Variants in PLEKHG1 observed in about 807,000 individuals in gnomAD.
The protein encoded by PLEKHG1 is pleckstrin homology domain-containing family G member 1.
PLEKHG1 carries 44 observed loss-of-function variants against 100.8 expected under a neutral mutation model. That is an observed-to-expected ratio of 0.44 (90% CI 0.34 to 0.56). The LOEUF is 0.56. PLEKHG1 is among the 20% of genes least tolerant of loss of function. The pLI, the probability that PLEKHG1 is intolerant of heterozygous loss-of-function variation, is 0.01. For synonymous variants in PLEKHG1, 640 were observed against 662.5 expected, an observed-to-expected ratio of 0.97 and a Z score of 0.52; for missense variants, 1,545 against 1,720.9, an observed-to-expected ratio of 0.90 and a Z score of 1.81.
chr6:150,701,417 TTATATATATA>T (rs56982419), intron 3 of PLEKHG1, among the ~76,000 whole-genome samples: 503 of 31,124 alleles, frequency 0.016, 4 homozygotes, highest in Non-Finnish European at 0.02. Flanking sequence ...CAGTAATTCT[TTATATATATA>T]TATATATATA....
rs756604749 is a variant in PLEKHG1, at chr6:150,768,772, C to T, written c.512+34C>T. The T allele has an allele frequency of 1.2e-4, 145 of 1,214,390 alleles. 1 individual carries two copies. Among genetic ancestry groups the T allele is most frequent in the Middle Eastern group, 3.8e-4 (2 of 5,278 alleles). 75.2% of individuals were successfully genotyped at this position (1,214,390 alleles called of 1,614,324 possible). On this transcript the variant is annotated intron_variant, in intron 3 of 15. Transcript: ENST00000358517. ...ATATTCAAAAGATTGTTCTCACATA[C>T]GAGCATTATGAAAATTTCTCAAATG...
At chr6:150,635,715 C>A (rs1777968479) in intron 1 of PLEKHG1, among the ~76,000 whole-genome samples, 1 of 152,084 alleles carries the variant, frequency 6.6e-6, no homozygotes, top group Non-Finnish European at 1.5e-5. Context: ...TTTCAGGGAG[C>A]ATAAATAAAC....
At position 150,600,784 on chromosome 6, in the gene PLEKHG1, G is replaced by T. The variant is rs1192541675; in HGVS notation, c.-204+767G>T. 1 of 152,262 alleles carries T rather than the reference G, an allele frequency of 6.6e-6. No individual in the cohort carries two copies. Among genetic ancestry groups the T allele is most frequent in the Non-Finnish European group, 1.5e-5 (1 of 68,058 alleles). 9.4% of individuals were successfully genotyped at this position (152,262 alleles called of 1,614,324 possible). A position where few individuals can be genotyped will look rare whatever the true frequency, so the allele number is the denominator to read the frequency against. On this transcript the variant is annotated intron_variant, in intron 1 of 3. Transcript: ENST00000367326. The surrounding 1 kb of genome is among the most constrained non-coding windows in gnomAD (Gnocchi z 6.2). ...GTTCCGAAGCCGGAAGCTTGGGAAC[G>T]CTCTAACTGGGAGAACGGCGCTCGG...
At chr6:150,779,919 C>G (rs1334849658) in intron 3 of PLEKHG1, among the ~76,000 whole-genome samples, 1 of 150,618 alleles carries the variant, frequency 6.6e-6, no homozygotes, top group Non-Finnish European at 1.5e-5. Context: ...GCCGAGATCA[C>G]ACTACTGCAC....
rs7764618 is a variant in PLEKHG1 at position 150,804,593 on chromosome 6, G to T, written c.781-17G>T. The T allele has an allele frequency of 3.8e-5, 59 of 1,538,460 alleles. No homozygotes were observed. In the South Asian group the frequency reaches 6.7e-4, roughly 17 times the overall value. ...TAAAATGAAAAAAAAAAAAACCCTCGTTCTTTTTTGTTTAAGGAAATAGAA... is the reference window on the plus strand; with the variant it reads ...TAAAATGAAAAAAAAAAAAACCCTCTTTCTTTTTTGTTTAAGGAAATAGAA... On this transcript the variant is annotated splice_polypyrimidine_tract_variant and intron_variant, in intron 6 of 15. Coordinates refer to ENST00000358517, the Ensembl canonical transcript of PLEKHG1.
At chr6:150,804,205 G>A (rs55788228) in intron 6 of PLEKHG1, among the ~76,000 whole-genome samples, 5 of 27,206 alleles carry the variant, frequency 1.8e-4, no homozygotes, top group African/African-American at 7.1e-4. Context: ...TTTTTTTTTC[G>A]AGGCAGAGTC....
chr6:150,791,511 A>G (rs1416469283), intron 4 of PLEKHG1, among the ~76,000 whole-genome samples: 1 of 151,974 alleles, frequency 6.6e-6, no homozygotes, highest in Non-Finnish European at 1.5e-5. Context: ...AAAAATAAAA[A>G]TAAAAAAATT....
rs778416927 is a variant in PLEKHG1, at chr6:150,804,754, G to A, written c.912+13G>A. 1 of 1,610,404 alleles carries A rather than the reference G, an allele frequency of 6.2e-7. No homozygotes were observed. The highest frequency in any genetic ancestry group is 1.1e-5 in the South Asian group (1 of 90,134). ...GGTCCGGTTACAGGTGAGCCCGCGA[G>A]GTGTCGGTGCCCGGCAGGGTTGCAG... On this transcript the variant is annotated intron_variant, in intron 7 of 15. Coordinates refer to ENST00000358517, the Ensembl canonical transcript of PLEKHG1.
intron 3 of PLEKHG1, among the ~76,000 whole-genome samples, chr6:150,777,808 C>T (rs989191561): frequency 7.2e-5 from 11 of 152,274 alleles, no homozygotes; most frequent in African/African-American, 2.2e-4. Flanking sequence ...ACATCAGCCA[C>T]ACTGATGCAA....
chr6:150,688,311 CTTTG>C (rs1780215307), intron 3 of PLEKHG1, among the ~76,000 whole-genome samples: 1 of 135,606 alleles, frequency 7.4e-6, no homozygotes, highest in Non-Finnish European at 1.5e-5. Context: ...CATTTTCTTC[CTTTG>C]TTTTTTTTTT....
chr6:150,649,765 A>G (rs1778641267), intron 2 of PLEKHG1, among the ~76,000 whole-genome samples: 1 of 152,100 alleles, frequency 6.6e-6, no homozygotes, highest in African/African-American at 2.4e-5. Flanking sequence ...TAATCCCAGC[A>G]CTTTGGGAGG....
intron 3 of PLEKHG1, among the ~76,000 whole-genome samples, chr6:150,706,099 C>G (rs1312921563): frequency 6.6e-6 from 1 of 152,140 alleles, no homozygotes; most frequent in Admixed American, 6.5e-5. Flanking sequence ...AAAGGTACAA[C>G]AAAACAAGTG....
chr6:150,646,587 T>G (rs1366176496), intron 2 of PLEKHG1, among the ~76,000 whole-genome samples: 1 of 152,154 alleles, frequency 6.6e-6, no homozygotes, highest in Non-Finnish European at 1.5e-5. Flanking sequence ...TGCTGATGTC[T>G]ATGAATGAAA....
At chr6:150,813,889 G>C (rs140018871) in intron 10 of PLEKHG1, among the ~76,000 whole-genome samples, 186 of 152,248 alleles carry the variant, frequency 1.2e-3, no homozygotes, top group African/African-American at 4.3e-3. Flanking sequence ...GTTGGGGCTG[G>C]GAGGAGTGAG....
At chr6:150,758,563 G>T (rs2128633235) in intron 2 of PLEKHG1, among the ~76,000 whole-genome samples, 1 of 152,234 alleles carries the variant, frequency 6.6e-6, no homozygotes, top group East Asian at 1.9e-4. Context: ...TCAAACTCCT[G>T]ACCTCAGGTG....
At chr6:150,637,508 T>C (rs1778055045) in intron 1 of PLEKHG1, among the ~76,000 whole-genome samples, 1 of 152,178 alleles carries the variant, frequency 6.6e-6, no homozygotes, top group Admixed American at 6.6e-5. Flanking sequence ...TGGTAAGCAC[T>C]GTTATTGCAT....
chr6:150,739,322 G>A lies in PLEKHG1; in HGVS notation c.411+5230G>A, dbSNP rs561776510. On this transcript the variant is annotated intron_variant, in intron 2 of 15. Coordinates refer to ENST00000358517, the Ensembl canonical transcript of PLEKHG1. ...ATCTCTTTCCATTATATGCCAGAGA[G>A]CTAATATCCTTTTCATGGACCTTTA... is the stretch of plus-strand genomic sequence containing the variant. 3.3e-5 allele frequency among the ~76,000 whole-genome samples: 5 copies of A among 152,176 alleles called. No homozygotes were observed. The East Asian group carries it at 9.6e-4, about 29-fold the overall frequency.
Position 150,831,753 on chromosome 6 carries a change from G to T in PLEKHG1, c.2642G>T (p.Ser881Ile), listed in dbSNP as rs1289201378. Residue 881 changes from serine to isoleucine, a missense_variant, in exon 15 of 16, where the codon AGC becomes ATC. Ser to Ile is a moderately radical substitution (Grantham distance 142). Coordinates refer to ENST00000358517, the Ensembl canonical transcript of PLEKHG1. This position sits in a 1 kb window ranked among gnomAD's most constrained non-coding sequence, Gnocchi z 4.1. ...CACGCAGAGAGCACCCCTGAGCTGA[G>T]CCGGGACGTGGGGCGCTCTGTGTCC... 6.2e-6 allele frequency: 10 copies of T among 1,613,604 alleles called. No homozygotes were observed. The highest frequency in any genetic ancestry group is 2.7e-5 in the African/African-American group (2 of 74,942).
chr6:150,791,086 A>AGCACTG (rs1273019149), intron 4 of PLEKHG1, among the ~76,000 whole-genome samples: 10 of 152,306 alleles, frequency 6.6e-5, no homozygotes, highest in African/African-American at 2.4e-4. Flanking sequence ...GTGTGTGTAC[A>AGCACTG]GCACTGTGGT....
Sources: gnomAD v4.1 joint callset for allele counts (sites outside exome capture counted in the v4.1 genomes callset) on GRCh38, gnomAD v4.1.1 for gene constraint, Gnocchi (gnomAD v3.1) non-coding constraint, MANE v1.5 for transcripts, NCBI Gene and HGNC (gene_info 2026-07-23, HGNC 2026-07-21) for gene names.